The following MGAT5 variants were observed in gnomAD, a reference collection of about 807,000 sequenced individuals.
MGAT5 encodes alpha-1,6-mannosylglycoprotein 6-beta-N-acetylglucosaminyltransferase, also known as alpha-1,6-mannosylglycoprotein 6-beta-N-acetylglucosaminyltransferase A.
A neutral mutation model predicts 94.3 loss-of-function variants in MGAT5; 30 were observed. The ratio of observed to expected loss-of-function variants is 0.32; its 90% CI spans 0.24 to 0.43. MGAT5 has a LOEUF of 0.43. Ranked by LOEUF, MGAT5 falls within the 20% of genes least tolerant of loss-of-function variation. MGAT5 has a pLI of 1.00. For missense variants in MGAT5, 691 were observed against 905.5 expected, an observed-to-expected ratio of 0.76 and a Z score of 3.04; for synonymous variants, 310 against 322.9, an observed-to-expected ratio of 0.96 and a Z score of 0.43.
intron 1 of MGAT5, among the ~76,000 whole-genome samples, chr2:134,248,370 T>C (rs1682399855): frequency 6.6e-6 from 1 of 152,232 alleles, no homozygotes; most frequent in Admixed American, 6.5e-5. Flanking sequence ...GATTGTCCTA[T>C]AGAGCAAGGA....
chr2:134,368,841 C>CCCA (rs1680599432), intron 10 of MGAT5, among the ~76,000 whole-genome samples: 1 of 152,142 alleles, frequency 6.6e-6, no homozygotes, highest in Non-Finnish European at 1.5e-5. Flanking sequence ...CTGTGTGTCA[C>CCCA]CCATTCCACC....
chr2:134,258,621 T>C (rs796576992), intron 1 of MGAT5, among the ~76,000 whole-genome samples: 30 of 151,996 alleles, frequency 2.0e-4, no homozygotes, highest in African/African-American at 6.8e-4. Flanking sequence ...CTGGATTTTG[T>C]GTGTGTGTGT....
intron 9 of MGAT5, among the ~76,000 whole-genome samples, chr2:134,351,002 C>T (rs1679348430): frequency 6.6e-6 from 1 of 152,144 alleles, no homozygotes; most frequent in Non-Finnish European, 1.5e-5. Flanking sequence ...CTGTCTCACA[C>T]TCACTAAATG....
At chr2:134,350,089 G>GTTTTTTTGTTTTTGTTT in intron 9 of MGAT5, 151 bp downstream of exon 9, 2 of 147,308 alleles carry the variant, frequency 1.4e-5, no homozygotes, top group Admixed American at 4.1e-4. Flanking sequence ...TACTGAATTT[G>GTTTTTTTGTTTTTGTTT]TTTTTTTGTT....
chr2:134,283,901 C>G (rs1469941684), intron 2 of MGAT5, among the ~76,000 whole-genome samples: 1 of 151,874 alleles, frequency 6.6e-6, no homozygotes, highest in African/African-American at 2.4e-5. Flanking sequence ...GACTGGCTAG[C>G]AATTAGAGTT....
Position 134,270,461 on chromosome 2 carries a change from A to C in MGAT5, c.317A>C (p.Asn106Thr), listed in dbSNP as rs969380182. 1 of 1,614,106 alleles carries C rather than the reference A, an allele frequency of 6.2e-7. No homozygotes were observed. Among genetic ancestry groups the C allele is most frequent in the Non-Finnish European group, 8.5e-7 (1 of 1,180,040 alleles). ...GGCAAGTTGGAGTCGAAGGTGGACAATCTTGTTGTCAATGGCACCGGAACA... is the reference window on the plus strand; with the variant it reads ...GGCAAGTTGGAGTCGAAGGTGGACACTCTTGTTGTCAATGGCACCGGAACA... The part of the protein sequence containing the change: ...RIGKLESKVD[N>T]LVVNGTGTNS... Residue 106 changes from asparagine (N) to threonine (T), a missense_variant, in exon 2 of 16, where the codon AAT (asparagine) becomes ACT (threonine). By Grantham distance (65) the Asn-to-Thr change is moderately conservative. Transcript: ENST00000281923.
At chr2:134,382,330 T>TC (rs1176081081) in intron 10 of MGAT5, among the ~76,000 whole-genome samples, 1 of 152,010 alleles carries the variant, frequency 6.6e-6, no homozygotes, top group Non-Finnish European at 1.5e-5. Context: ...TGATAGAAGC[T>TC]CCCCAGGTGA....
intron 14 of MGAT5, among the ~76,000 whole-genome samples, chr2:134,439,795 G>A (rs1035012630): frequency 3.3e-5 from 5 of 152,164 alleles, no homozygotes; most frequent in African/African-American, 9.7e-5. Context: ...CCCTCTTCTG[G>A]TGCTACACCC....
chr2:134,275,578 C>CTTTTT lies in MGAT5; in HGVS notation c.406+5049_406+5053dup, dbSNP rs11409592. Among the ~76,000 whole-genome samples the CTTTTT allele has an allele frequency of 1.0e-3, 82 of 79,582 alleles. 1 individual carries two copies. Among genetic ancestry groups the CTTTTT allele is most frequent in the African/African-American group, 2.4e-3 (42 of 17,276 alleles). The allele number at this position is 79,582 out of a possible 152,430, so 52.2% of individuals were successfully genotyped here. On this transcript the variant is annotated intron_variant, in intron 2 of 15. Coordinates refer to ENST00000281923, the MANE Select transcript of MGAT5 (RefSeq NM_002410.5). ...TTCACAAATGAAGAGGTGCTATTTC[C>CTTTTT]TTTTTTTTTTTTTTTTTTTTTTTTT...
chr2:134,343,753 C>T (rs1688762183), intron 7 of MGAT5, among the ~76,000 whole-genome samples: 2 of 152,116 alleles, frequency 1.3e-5, no homozygotes, highest in African/African-American at 4.8e-5. Context: ...CTCAGCAGGC[C>T]AAATCAGCCC....
chr2:134,362,513 G>A, intron 10 of MGAT5, 105 bp downstream of exon 10: 7 of 1,353,892 alleles, frequency 5.2e-6, no homozygotes, highest in Non-Finnish European at 7.1e-6. Context: ...AGGGCTTAAT[G>A]GGATCTACTT....
At chr2:134,351,390 A>G (rs1285003053) in intron 9 of MGAT5, among the ~76,000 whole-genome samples, 1 of 152,136 alleles carries the variant, frequency 6.6e-6, no homozygotes, top group Non-Finnish European at 1.5e-5. Flanking sequence ...TAAAACATTA[A>G]CTGTGTTCAA....
chr2:134,120,156 C>A (rs1685494415), upstream of MGAT5: 1 of 157,520 alleles, frequency 6.3e-6, no homozygotes, highest in Non-Finnish European at 1.4e-5. Flanking sequence ...CTGCGGCTCC[C>A]GCGGCGGCGG....
At chr2:134,225,674 TG>T (rs1042036886) in intron 1 of MGAT5, among the ~76,000 whole-genome samples, 3 of 152,312 alleles carry the variant, frequency 2.0e-5, no homozygotes, top group African/African-American at 7.2e-5. Flanking sequence ...CAGTGCCTGT[TG>T]TATACAGTCA....
Position 134,270,466 on chromosome 2 carries a change from G to T in MGAT5, c.322G>T (p.Val108Phe), listed in dbSNP as rs763384855. Residue 108 changes from valine (V) to phenylalanine (F), a missense_variant, in exon 2 of 16, where the codon GTT becomes TTT. By Grantham distance (50) the Val-to-Phe change is conservative. Transcript: ENST00000281923. ...GTTGGAGTCGAAGGTGGACAATCTT[G>T]TTGTCAATGGCACCGGAACAAACTC... is the stretch of plus-strand genomic sequence containing the variant. ...GKLESKVDNL[V>F]VNGTGTNSTN... is the part of the protein sequence containing the mutation. The T allele has an allele frequency of 3.1e-6, 5 of 1,614,118 alleles. No homozygotes were observed. In the South Asian group the frequency reaches 5.5e-5, roughly 18 times the overall value.
intron 10 of MGAT5, among the ~76,000 whole-genome samples, chr2:134,368,550 C>T (rs1304841186): frequency 6.6e-6 from 1 of 152,194 alleles, no homozygotes; most frequent in Non-Finnish European, 1.5e-5. Flanking sequence ...AGAAATCAGG[C>T]AGCAGAACTT....
intron 10 of MGAT5, among the ~76,000 whole-genome samples, chr2:134,375,337 C>G (rs1681099693): frequency 1.3e-5 from 2 of 152,168 alleles, no homozygotes; most frequent in South Asian, 4.1e-4. Flanking sequence ...CCTCTGTCTC[C>G]AACCCATCCT....
intron 15 of MGAT5, among the ~76,000 whole-genome samples, chr2:134,448,180 G>A (rs1251883772): frequency 6.6e-6 from 1 of 152,248 alleles, no homozygotes; most frequent in Non-Finnish European, 1.5e-5. Flanking sequence ...GTCTCGACTT[G>A]CAGCCTTCAC....
chr2:134,246,779 T>G (rs1682294672), intron 1 of MGAT5, among the ~76,000 whole-genome samples: 1 of 147,128 alleles, frequency 6.8e-6, no homozygotes, highest in African/African-American at 2.6e-5. Flanking sequence ...GGTGCTGGTT[T>G]GATTCTAACT....
Sources: gnomAD v4.1 joint callset for allele counts (sites outside exome capture counted in the v4.1 genomes callset) on GRCh38, gnomAD v4.1.1 for gene constraint, MANE v1.5 for transcripts, NCBI Gene and HGNC (gene_info 2026-07-23, HGNC 2026-07-21) for gene names.